ITGAE: variants seen among roughly 807,000 people sequenced by gnomAD.
ITGAE encodes the protein integrin alpha-E.
In ITGAE, 99 loss-of-function variants were observed where a neutral mutation model predicts 136.5. The observed-to-expected ratio is 0.73, with a 90% CI of 0.62 to 0.86. The LOEUF (loss-of-function observed/expected upper bound fraction) is 0.86. Among genes scored for constraint, ITGAE ranks in the 40% least tolerant of loss-of-function variants. The probability of loss-of-function intolerance (pLI) is 0.00; values close to 1 mark genes in which losing one functional copy is unlikely to be tolerated. For missense variants in ITGAE, 1,447 were observed against 1,515.3 expected (o/e 0.95, Z 0.75); for synonymous variants, 613 against 591.8 (o/e 1.04, Z -0.52).
intron 1 of ITGAE, among the ~76,000 whole-genome samples, chr17:3,787,028 A>G (rs992556605): frequency 1.5e-4 from 23 of 152,118 alleles, no homozygotes; most frequent in Non-Finnish European, 2.2e-4. Context: ...TATGATTATG[A>G]TAGATGCAGA....
In ITGAE at chr17:3,720,360, A is replaced by C; in HGVS notation, c.3280T>G (p.Ser1094Ala). 6.3e-7 allele frequency: 1 copy of C among 1,586,904 alleles called. No homozygotes were observed. Among genetic ancestry groups the C allele is most frequent in the South Asian group, 1.1e-5 (1 of 90,428 alleles). The change falls in exon 29 of 31, where the codon TCT becomes GCT. Residue 1094 changes from serine (S) to alanine (A), a missense_variant. Physicochemically the swap from Ser to Ala is moderately conservative, Grantham distance 99. Transcript: ENST00000263087. ...VTELQILGEI[S>A]FNKSLYEGLN... ...CCCTCATATAGAGATTTGTTGAAAG[A>C]TATTTCACCAAGGATCTGCAGTTCA...
chr17:3,791,154 C>CAA (rs61179988), intron 1 of ITGAE, among the ~76,000 whole-genome samples: 15 of 96,266 alleles, frequency 1.6e-4, no homozygotes, highest in Admixed American at 2.3e-4. Context: ...GACTCTGTCT[C>CAA]AAAAAAAAAA....
chr17:3,749,663 TC>T (rs2051815747), intron 16 of ITGAE, among the ~76,000 whole-genome samples: 1 of 151,954 alleles, frequency 6.6e-6, no homozygotes, highest in Non-Finnish European at 1.5e-5. Context: ...AGACGGGCGC[TC>T]CATGAGCTCA....
chr17:3,769,643 G>A (rs916814901), intron 2 of ITGAE, among the ~76,000 whole-genome samples: 4 of 152,172 alleles, frequency 2.6e-5, no homozygotes, highest in African/African-American at 9.6e-5. Context: ...AGCAACCCTT[G>A]TCCATCTCCT....
chr17:3,777,367 C>T (rs1242317576), intron 2 of ITGAE, among the ~76,000 whole-genome samples, 173 bp downstream of exon 2: 1 of 152,232 alleles, frequency 6.6e-6, no homozygotes, highest in African/African-American at 2.4e-5. Flanking sequence ...AGCCCGATGC[C>T]CACAGCCTCT....
chr17:3,758,433 TTTTA>T (rs1324900639), intron 8 of ITGAE, among the ~76,000 whole-genome samples: 3 of 151,280 alleles, frequency 2.0e-5, no homozygotes, highest in Non-Finnish European at 2.9e-5. Context: ...ATTATTCTCA[TTTTA>T]TTTATTTATT....
intron 23 of ITGAE, 135 bp downstream of exon 23, chr17:3,730,969 T>A (rs1333119557): frequency 3.4e-5 from 21 of 623,042 alleles, no homozygotes; most frequent in Non-Finnish European, 5.5e-5. Context: ...GGGAAACAGA[T>A]GCCTTCTGTG....
At chr17:3,724,872 C>T (rs377717499) in intron 26 of ITGAE, 10 of 1,613,888 alleles carry the variant, frequency 6.2e-6, no homozygotes, top group East Asian at 4.5e-5. Context: ...CCGGAGAGAG[C>T]ATCAGGAGGC....
chr17:3,758,846 C>T lies in ITGAE; in HGVS notation c.866+556G>A, dbSNP rs116780368. ...ACACAGATACAAACCAGAGCTGAGG[C>T]CGGGCGCGGTGGCTCACGCCTGTAA... On this transcript the variant is annotated intron_variant, in intron 8 of 30. Transcript: ENST00000263087. Among the ~76,000 whole-genome samples the T allele has an allele frequency of 1.0e-3, 151 of 151,374 alleles. 1 individual carries two copies. The highest frequency in any genetic ancestry group is 3.4e-3 in the African/African-American group (142 of 41,302).
chr17:3,724,651 C>G (rs1404980250), intron 26 of ITGAE: 2 of 1,614,094 alleles, frequency 1.2e-6, no homozygotes, highest in African/African-American at 1.3e-5. Flanking sequence ...CAAACCCGCG[C>G]CAGCCTCAGG....
At chr17:3,719,349 G>T (rs921027953) in intron 29 of ITGAE, among the ~76,000 whole-genome samples, 2 of 152,074 alleles carry the variant, frequency 1.3e-5, no homozygotes, top group African/African-American at 4.8e-5. Context: ...CTCCTCCAGG[G>T]AGGAAAACAG....
At chr17:3,747,132 A>G (rs2051735976) in intron 17 of ITGAE, among the ~76,000 whole-genome samples, 1 of 152,188 alleles carries the variant, frequency 6.6e-6, no homozygotes, top group Non-Finnish European at 1.5e-5. Context: ...CAGTCTCCTA[A>G]TGAGTTTCAG....
intron 1 of ITGAE, among the ~76,000 whole-genome samples, chr17:3,778,735 T>C (rs906888292): frequency 6.6e-6 from 1 of 152,214 alleles, no homozygotes; most frequent in Non-Finnish European, 1.5e-5. Context: ...GTGTCCCTTA[T>C]TTGGCCTTTC....
At position 3,729,549 on chromosome 17, in the gene ITGAE, A is replaced by G. The variant is rs750969135; in HGVS notation, c.2841T>C (p.Asn947=). 6.3e-7 allele frequency: 1 copy of G among 1,589,424 alleles called. No individual in the cohort carries two copies. The highest frequency in any genetic ancestry group is 8.6e-7 in the Non-Finnish European group (1 of 1,157,416). ...ADITVTVTNS[N]ERRSLANETH... is the part of the protein sequence containing the mutation. ...TCTCGTTGGCCAAAGACCGTCTTTCATTGGAACTAGGAATAAGAGTGTTAG... is the reference window on the plus strand; with the variant it reads ...TCTCGTTGGCCAAAGACCGTCTTTCGTTGGAACTAGGAATAAGAGTGTTAG... Residue 947 remains asparagine (N), a synonymous_variant, in exon 24 of 31, where the codon AAT becomes AAC. Transcript: ENST00000263087.
rs1311750066 is a variant in ITGAE, at chr17:3,751,875, C to T, written c.1669-1G>A. On this transcript the variant is annotated splice_acceptor_variant, in intron 14 of 30. Transcript: ENST00000263087. LOFTEE classifies it high-confidence loss of function. ...TGCGTGCCAAGGAGAAAGAACCATC[C>T]TGTAAAGCAAACAAACAGCTCAGCC... 1.2e-6 allele frequency: 2 copies of T among 1,613,236 alleles called. No individual in the cohort carries two copies. The highest frequency in any genetic ancestry group is 2.2e-5 in the East Asian group (1 of 44,864).
At position 3,728,135 on chromosome 17, in the gene ITGAE, C is replaced by A; in HGVS notation, c.2946G>T (p.Gly982=). 6.2e-7 allele frequency: 1 copy of A among 1,613,422 alleles called. No individual in the cohort carries two copies. The highest frequency in any genetic ancestry group is 1.1e-5 in the South Asian group (1 of 91,072). Residue 982 remains glycine (G), a synonymous_variant, in exon 25 of 31, where the codon GGG becomes GGT. Coordinates refer to ENST00000263087, the MANE Select transcript of ITGAE (RefSeq NM_002208.5). The stretch of plus-strand genomic sequence containing the variant: ...AGAGGAATTCTTTGTGGTGAGAAAG[C>A]CCCTGGCCTGTGTTCACGTACATTA... The part of the protein sequence containing the change: ...PSIMYVNTGQ[G]LSHHKEFLFH...
At chr17:3,783,387 G>A (rs1461660120) in intron 1 of ITGAE, among the ~76,000 whole-genome samples, 3 of 152,012 alleles carry the variant, frequency 2.0e-5, no homozygotes, top group South Asian at 2.1e-4. Context: ...CAAGAGATCC[G>A]CCCGCCTCAG....
In ITGAE at chr17:3,753,754, AAGGGGTGGAGGCTTTCCCCAGC is replaced by A; in HGVS notation, c.1527+7_1527+28del. The A allele has an allele frequency of 1.2e-6, 2 of 1,613,194 alleles. No homozygotes were observed. The highest frequency in any genetic ancestry group is 1.7e-6 in the Non-Finnish European group (2 of 1,179,586). Reference sequence around the variant, plus strand: ...GGCCTCCAGATTCCCCATCGGTCATAAGGGGTGGAGGCTTTCCCCAGCAGGTACCTGCTCTCCCTCCAGCACT... The same window carrying A: ...GGCCTCCAGATTCCCCATCGGTCATAAGGTACCTGCTCTCCCTCCAGCACT... On this transcript the variant is annotated splice_region_variant and intron_variant, in intron 13 of 30. Transcript: ENST00000263087.
intron 1 of ITGAE, among the ~76,000 whole-genome samples, chr17:3,790,533 A>C (rs939127278): frequency 9.2e-5 from 14 of 151,394 alleles, no homozygotes; most frequent in Admixed American, 2.0e-4. Context: ...CACACACACA[A>C]AAGAAAAAGA....
Sources: allele counts gnomAD v4.1 joint callset (sites outside exome capture counted in the v4.1 genomes callset), GRCh38; gene constraint gnomAD v4.1.1; transcripts MANE v1.5; gene names NCBI Gene and HGNC (gene_info 2026-07-23, HGNC 2026-07-21).